DST: variants seen among roughly 807,000 people sequenced by gnomAD.
DST encodes dystonin.
DST carries 253 observed loss-of-function variants against 875.2 expected under a neutral mutation model. That is an observed-to-expected ratio of 0.29 (90% CI 0.26 to 0.32). The LOEUF (loss-of-function observed/expected upper bound fraction) is 0.32. Among genes scored for constraint, DST ranks in the 10% least tolerant of loss-of-function variants. DST has a pLI of 1.00. For missense variants in DST, 8,287 were observed against 9,111.6 expected (o/e 0.91, Z 3.68); for synonymous variants, 3,124 against 3,197.1 (o/e 0.98, Z 0.77).
intron 4 of DST, among the ~76,000 whole-genome samples, chr6:56,743,895 T>G (rs2099557602): frequency 6.6e-6 from 1 of 152,154 alleles, no homozygotes; most frequent in South Asian, 2.1e-4. Context: ...GGCTCACGCC[T>G]GTAATCCCAG....
At chr6:56,852,406 T>C (rs1765720545) in intron 3 of DST, among the ~76,000 whole-genome samples, 1 of 152,214 alleles carries the variant, frequency 6.6e-6, no homozygotes, top group Non-Finnish European at 1.5e-5. Context: ...AGAGCTCTTC[T>C]CAGCTCCTGG....
intron 10 of DST, among the ~76,000 whole-genome samples, chr6:56,669,558 T>G: frequency 6.7e-6 from 1 of 148,618 alleles, no homozygotes; most frequent in East Asian, 2.0e-4. Flanking sequence ...ATCATGCCAC[T>G]GCACTCTAGC....
chr6:56,904,883 G>A (rs1284248135), intron 2 of DST, among the ~76,000 whole-genome samples: 4 of 152,136 alleles, frequency 2.6e-5, no homozygotes, highest in Non-Finnish European at 5.9e-5. Context: ...GCCGCCTCCC[G>A]GGTTCAAGTG....
intron 3 of DST, among the ~76,000 whole-genome samples, chr6:56,874,823 G>C (rs1349298921): frequency 6.6e-6 from 1 of 152,154 alleles, no homozygotes; most frequent in Non-Finnish European, 1.5e-5. Flanking sequence ...TGAAAGGTGA[G>C]ATTCCTCAGA....
chr6:56,901,678 T>C (rs1194880573), intron 2 of DST, among the ~76,000 whole-genome samples: 1 of 152,070 alleles, frequency 6.6e-6, no homozygotes, highest in Non-Finnish European at 1.5e-5. Flanking sequence ...TGTATATATA[T>C]ATACATGTAA....
chr6:56,907,278 C>G (rs1430818359), intron 2 of DST, among the ~76,000 whole-genome samples: 1 of 152,126 alleles, frequency 6.6e-6, no homozygotes, highest in Non-Finnish European at 1.5e-5. Flanking sequence ...ACAGTCAGGT[C>G]CTGTTACCTA....
chr6:56,867,787 C>T (rs555018962), intron 3 of DST, among the ~76,000 whole-genome samples: 29 of 151,920 alleles, frequency 1.9e-4, no homozygotes, highest in East Asian at 1.4e-3. Flanking sequence ...GAGCCGAGAC[C>T]GCGCCACTGC....
intron 55 of DST, among the ~76,000 whole-genome samples, chr6:56,564,882 G>A (rs1192846277): frequency 1.1e-4 from 17 of 152,010 alleles, no homozygotes; most frequent in South Asian, 2.1e-4. Context: ...TATTGATTGG[G>A]TATGAACCAG....
chr6:56,576,506 T>C (rs1175649164), intron 50 of DST, among the ~76,000 whole-genome samples: 1 of 152,088 alleles, frequency 6.6e-6, no homozygotes, highest in African/African-American at 2.4e-5. Flanking sequence ...GTAGACAGTG[T>C]CAGAATTGAA....
chr6:56,721,873 C>T lies in DST; in HGVS notation c.687+13355G>A, dbSNP rs768242977. ...ACTTTCCCTTAAATATATACAAAAC[C>T]TCACCCTAAGGCAGAGGTCAGCAAA... is the stretch of plus-strand genomic sequence containing the variant. On this transcript the variant is annotated intron_variant, in intron 5 of 103. Transcript: ENST00000680361. Among the ~76,000 whole-genome samples the T allele has an allele frequency of 2.6e-5, 4 of 152,112 alleles. No homozygotes were observed. The East Asian group carries it at 5.8e-4, about 22-fold the overall frequency.
chr6:56,592,433 TATAAA>T (rs752614230), intron 48 of DST, 75 bp from the exon 49 acceptor site: 5 of 1,185,982 alleles, frequency 4.2e-6, no homozygotes, highest in Non-Finnish European at 5.9e-6. Context: ...TCTTAGGACC[TATAAA>T]ATATGTAACT....
At chr6:56,893,559 G>GTTCTTTTTTT (rs1788710974) in intron 3 of DST, among the ~76,000 whole-genome samples, 1 of 31,674 alleles carries the variant, frequency 3.2e-5, no homozygotes, top group Non-Finnish European at 6.7e-5. Context: ...CCTACTTTTA[G>GTTCTTTTTTT]TTCTTTTTTT....
chr6:56,597,694 A>G (rs1486778568), intron 47 of DST, 46 bp downstream of exon 47: 1 of 1,564,366 alleles, frequency 6.4e-7, no homozygotes, highest in Admixed American at 1.8e-5. Flanking sequence ...CTCTTTACCA[A>G]CCTGGAAATA....
chr6:56,597,889 C>T lies in DST; in HGVS notation c.12046G>A (p.Glu4016Lys). The T allele has an allele frequency of 6.2e-7, 1 of 1,613,732 alleles. No individual in the cohort carries two copies. Residue 4016 changes from glutamate to lysine, a missense_variant, in exon 47 of 104, where the codon GAA (glutamate) becomes AAA (lysine). Glu to Lys is a moderately conservative substitution (Grantham distance 56, BLOSUM62 1). Transcript: ENST00000680361. ...RAGTKHKQVI[E>K]QNGTHFQEGD... ...TCTTGAAAATGGGTCCCGTTCTGTT[C>T]GATTACCTGTTTGTGTTTTGTCCCT... is the stretch of plus-strand genomic sequence containing the variant.
chr6:56,660,577 C>G (rs2099033910), intron 10 of DST, among the ~76,000 whole-genome samples: 1 of 144,108 alleles, frequency 6.9e-6, no homozygotes, highest in Non-Finnish European at 1.5e-5. Flanking sequence ...CCTTACTGTT[C>G]TTATTGGTGC....
At chr6:56,891,508 G>A (rs550683578) in intron 3 of DST, among the ~76,000 whole-genome samples, 1 of 150,478 alleles carries the variant, frequency 6.6e-6, no homozygotes, top group African/African-American at 2.5e-5. Context: ...GGAGCTTGCA[G>A]TGAGCCGAGA....
chr6:56,566,460 C>T (rs867394863), intron 55 of DST, among the ~76,000 whole-genome samples: 13 of 152,114 alleles, frequency 8.5e-5, no homozygotes, highest in Admixed American at 6.6e-4. Flanking sequence ...GGAAGTTTTC[C>T]GACCCCTTGT....
At chr6:56,649,450 G>A (rs1308730459) in intron 12 of DST, among the ~76,000 whole-genome samples, 1 of 152,174 alleles carries the variant, frequency 6.6e-6, no homozygotes. Context: ...TAACTAAAAC[G>A]GGTAGTACAT....
At chr6:56,563,734 T>G (rs533356164) in intron 55 of DST, among the ~76,000 whole-genome samples, 4 of 152,350 alleles carry the variant, frequency 2.6e-5, no homozygotes, top group Admixed American at 2.6e-4. Context: ...ACGTCTTTAA[T>G]CCATTTTCAG....
Sources: allele counts gnomAD v4.1 joint callset (sites outside exome capture counted in the v4.1 genomes callset), GRCh38; gene constraint gnomAD v4.1.1; transcripts MANE v1.5; gene names NCBI Gene and HGNC (gene_info 2026-07-23, HGNC 2026-07-21).